Variants in DCUN1D2 observed in about 807,000 individuals in gnomAD.
DCUN1D2 encodes defective in cullin neddylation 1 domain containing 2.
DCUN1D2 carries 29 observed loss-of-function variants against 30.9 expected under a neutral mutation model. The ratio of observed to expected loss-of-function variants is 0.94; its 90% CI spans 0.70 to 1.28. The LOEUF (loss-of-function observed/expected upper bound fraction) is 1.28, where lower values mean the gene tolerates loss of function less well. DCUN1D2 is among the 50% of genes most tolerant of loss of function. DCUN1D2 has a pLI of 0.00. For missense variants in DCUN1D2, 325 were observed against 316.9 expected (o/e 1.03, Z -0.19); for synonymous variants, 121 against 115.3 (o/e 1.05, Z -0.32).
chr13:113,473,377 G>A (rs904659067), intron 4 of DCUN1D2, among the ~76,000 whole-genome samples: 2 of 152,040 alleles, frequency 1.3e-5, no homozygotes, highest in African/African-American at 4.8e-5. Context: ...CAGTTAAAGC[G>A]AATGCAGACT....
At chr13:113,472,292 TA>T (rs930844406) in intron 4 of DCUN1D2, among the ~76,000 whole-genome samples, 2 of 150,576 alleles carry the variant, frequency 1.3e-5, no homozygotes, top group South Asian at 2.1e-4. Context: ...TGAACAAAAA[TA>T]AAAAAAATAA....
chr13:113,489,342 C>T (rs764567541), intron 1 of DCUN1D2: 3 of 166,984 alleles, frequency 1.8e-5, no homozygotes, highest in Non-Finnish European at 3.7e-5. Flanking sequence ...CTCTACCTGC[C>T]CAGGTGTGCA....
At chr13:113,479,142 T>C (rs1180662729) in intron 3 of DCUN1D2, 1 of 152,266 alleles carries the variant, frequency 6.6e-6, no homozygotes, top group African/African-American at 2.4e-5. Context: ...AATGTTCTCC[T>C]AGGCCATTTG....
chr13:113,479,838 C>T (rs912284769), intron 3 of DCUN1D2, among the ~76,000 whole-genome samples: 1 of 152,146 alleles, frequency 6.6e-6, no homozygotes, highest in Non-Finnish European at 1.5e-5. Context: ...CTGCACATAA[C>T]TGGATGCGCT....
intron 2 of DCUN1D2, 134 bp from the exon 3 acceptor site, chr13:113,480,877 C>T: frequency 1.3e-6 from 1 of 760,244 alleles, no homozygotes; most frequent in South Asian, 2.2e-5. Flanking sequence ...AATCAATAGG[C>T]TGCAGTTTTC....
chr13:113,484,169 T>C lies in DCUN1D2; in HGVS notation c.4-113A>G, dbSNP rs2044761247. ...AGAATTAGAGACAAAGCCTTGCTCT[T>C]CATCAGTTACAAAGACTGCACAGTC... On this transcript the variant is annotated intron_variant, in intron 1 of 6. Coordinates refer to ENST00000478244, the MANE Select transcript of DCUN1D2 (RefSeq NM_001014283.2). 4.6e-6 allele frequency: 7 copies of C among 1,515,158 alleles called. No individual in the cohort carries two copies. The South Asian group carries it at 6.4e-5, about 14-fold the overall frequency. 93.9% of individuals were successfully genotyped at this position (1,515,158 alleles called of 1,614,324 possible).
At chr13:113,490,740 C>A, upstream of DCUN1D2, 3 of 1,162,074 alleles carry the variant, frequency 2.6e-6, no homozygotes, top group Non-Finnish European at 3.2e-6. The surrounding 1 kb of genome is among the most constrained non-coding windows in gnomAD (Gnocchi z 5.2). Context: ...CCGCCCTCGT[C>A]CTCGGACGGC....
At chr13:113,486,972 C>T (rs2044815908) in intron 1 of DCUN1D2, among the ~76,000 whole-genome samples, 1 of 152,222 alleles carries the variant, frequency 6.6e-6, no homozygotes, top group Non-Finnish European at 1.5e-5. Flanking sequence ...CTGTAGTTTG[C>T]CGACCCCGAT....
intron 4 of DCUN1D2, among the ~76,000 whole-genome samples, chr13:113,470,038 A>T (rs2044474748): frequency 6.6e-6 from 1 of 152,238 alleles, no homozygotes; most frequent in Non-Finnish European, 1.5e-5. Context: ...CACGAGGGAG[A>T]TAAACTCAAA....
intron 4 of DCUN1D2, among the ~76,000 whole-genome samples, chr13:113,470,244 G>A (rs1457822138): frequency 2.6e-5 from 4 of 152,124 alleles, no homozygotes; most frequent in African/African-American, 4.8e-5. Flanking sequence ...TTGTATCCCC[G>A]GAGCCATGGG....
chr13:113,472,161 C>A (rs548035359), intron 4 of DCUN1D2, among the ~76,000 whole-genome samples: 1 of 152,004 alleles, frequency 6.6e-6, no homozygotes, highest in Non-Finnish European at 1.5e-5. Flanking sequence ...GATATTCTAA[C>A]GCTATCCTCA....
chr13:113,480,630 C>T lies in DCUN1D2; in HGVS notation c.334G>A (p.Ala112Thr). The change falls in exon 3 of 7, where the codon GCA becomes ACA. Residue 112 changes from alanine to threonine, a missense_variant. Ala to Thr is a moderately conservative substitution (Grantham distance 58). Transcript: ENST00000478244. ...VLVIAWKFRA[A>T]TQCEFSRKEF... ...TTTCTGCTAAATTCACACTGAGTTG[C>T]TGCCCTGAACTTCCACGCTATGACC... 1.2e-6 allele frequency: 2 copies of T among 1,614,132 alleles called. No individual in the cohort carries two copies. The highest frequency in any genetic ancestry group is 1.7e-6 in the Non-Finnish European group (2 of 1,180,008).
intron 3 of DCUN1D2, among the ~76,000 whole-genome samples, chr13:113,474,466 G>A (rs1054773210): frequency 6.6e-5 from 10 of 152,172 alleles, no homozygotes; most frequent in African/African-American, 2.2e-4. Flanking sequence ...AATTCAAAAC[G>A]TTCTGAGACA....
chr13:113,469,374 A>G (rs539750616), intron 4 of DCUN1D2, among the ~76,000 whole-genome samples: 1 of 152,344 alleles, frequency 6.6e-6, no homozygotes, highest in East Asian at 1.9e-4. Flanking sequence ...ACACACCAAC[A>G]GAACAGATCA....
intron 1 of DCUN1D2, 88 bp from the exon 2 acceptor site, chr13:113,484,144 A>C: frequency 6.4e-7 from 1 of 1,568,552 alleles, no homozygotes; most frequent in Non-Finnish European, 8.6e-7. Context: ...TTAACTGGGC[A>C]GAATTAGAGA....
chr13:113,490,405 T>G lies in DCUN1D2; in HGVS notation c.3+262A>C. ...GGCCCCTGCCCCAAGGCCCCTACAG[T>G]TCCTCCCGGCCCCCGCCCTCCGCTC... On this transcript the variant is annotated intron_variant, in intron 1 of 6. Coordinates refer to ENST00000478244, the MANE Select transcript of DCUN1D2 (RefSeq NM_001014283.2). The surrounding 1 kb of genome is among the most constrained non-coding windows in gnomAD (Gnocchi z 5.2). 8 of 308,638 alleles carry G rather than the reference T, an allele frequency of 2.6e-5. No homozygotes were observed. Among genetic ancestry groups the G allele is most frequent in the East Asian group, 1.3e-4 (2 of 15,524 alleles). 19.1% of individuals were successfully genotyped at this position (308,638 alleles called of 1,614,324 possible).
intron 4 of DCUN1D2, among the ~76,000 whole-genome samples, chr13:113,471,824 A>G (rs1415651169): frequency 6.6e-6 from 1 of 152,180 alleles, no homozygotes; most frequent in Admixed American, 6.5e-5. Flanking sequence ...ACTGTCCCCA[A>G]AAGCACTTCC....
At chr13:113,486,965 T>A (rs1186594155) in intron 1 of DCUN1D2, among the ~76,000 whole-genome samples, 2 of 152,256 alleles carry the variant, frequency 1.3e-5, no homozygotes, top group South Asian at 4.1e-4. Context: ...CTGTGGGCTG[T>A]AGTTTGCCGA....
intron 6 of DCUN1D2, among the ~76,000 whole-genome samples, chr13:113,458,854 G>A (rs968636609): frequency 2.0e-5 from 3 of 152,210 alleles, no homozygotes; most frequent in Non-Finnish European, 2.9e-5. Context: ...AGGTGGCAGC[G>A]TGCCCAGCAC....
Sources: allele counts gnomAD v4.1 joint callset (sites outside exome capture counted in the v4.1 genomes callset), GRCh38; gene constraint gnomAD v4.1.1; non-coding constraint Gnocchi (gnomAD v3.1); transcripts MANE v1.5; gene names NCBI Gene and HGNC (gene_info 2026-07-23, HGNC 2026-07-21).